Variants in CACNA1B observed in about 807,000 individuals in gnomAD.
The protein encoded by CACNA1B is voltage-dependent N-type calcium channel subunit alpha-1B.
In CACNA1B, 70 loss-of-function variants were observed where a neutral mutation model predicts 247.2. The observed-to-expected ratio is 0.28, with a 90% confidence interval of 0.23 to 0.35. The LOEUF is 0.35. Among genes scored for constraint, CACNA1B ranks in the 10% least tolerant of loss-of-function variants. CACNA1B has a pLI of 1.00. For synonymous variants in CACNA1B, 1,231 were observed against 1,294.4 expected, an observed-to-expected ratio of 0.95 and a Z score of 1.05; for missense variants, 2,367 against 3,197.4, an observed-to-expected ratio of 0.74 and a Z score of 6.26.
chr9:137,997,677 T>G (rs529369131), intron 15 of CACNA1B, among the ~76,000 whole-genome samples: 1 of 152,260 alleles, frequency 6.6e-6, no homozygotes, highest in African/African-American at 2.4e-5. Flanking sequence ...ATATTAAGAT[T>G]TAGAGAAGAA....
Position 138,054,012 on chromosome 9 carries a change from C to G in CACNA1B, c.3968+6C>G, listed in dbSNP as rs774033510. ...GAGCTGGAGAGGGACTGCAGGTAAACTGAGGCAGGGTGCAAGGTGGGACAC... is the reference window on the plus strand; with the variant it reads ...GAGCTGGAGAGGGACTGCAGGTAAAGTGAGGCAGGGTGCAAGGTGGGACAC... On this transcript the variant is annotated splice_donor_region_variant and intron_variant, in intron 26 of 46. Coordinates refer to ENST00000371372, the MANE Select transcript of CACNA1B (RefSeq NM_000718.4). This position sits in a 1 kb window ranked among gnomAD's most constrained non-coding sequence, Gnocchi z 4.6. 1 of 1,613,636 alleles carries G rather than the reference C, an allele frequency of 6.2e-7. No individual in the cohort carries two copies. The highest frequency in any genetic ancestry group is 1.1e-5 in the South Asian group (1 of 91,060).
chr9:138,117,284 T>G (rs1443646523), intron 42 of CACNA1B, among the ~76,000 whole-genome samples: 3 of 41,970 alleles, frequency 7.1e-5, no homozygotes, highest in Admixed American at 2.1e-4. Flanking sequence ...CATTGTGGCT[T>G]GGGGGGGGGG....
chr9:138,068,773 C>T (rs778020443), intron 31 of CACNA1B, among the ~76,000 whole-genome samples: 1 of 152,140 alleles, frequency 6.6e-6, no homozygotes, highest in Non-Finnish European at 1.5e-5. Flanking sequence ...GGGTGCCTGG[C>T]TGACGTCAGA....
At chr9:138,043,602 G>C (rs922546825) in intron 20 of CACNA1B, among the ~76,000 whole-genome samples, 172 bp from the exon 21 acceptor site, 2 of 152,210 alleles carry the variant, frequency 1.3e-5, no homozygotes, top group Non-Finnish European at 2.9e-5. Context: ...GGTCCTGGCT[G>C]TCGTGCGCCA....
intron 12 of CACNA1B, among the ~76,000 whole-genome samples, chr9:137,980,208 G>A (rs1958278059): frequency 6.6e-6 from 1 of 152,196 alleles, no homozygotes; most frequent in African/African-American, 2.4e-5. Flanking sequence ...AGAACTTTAT[G>A]GATATGTTGT....
intron 31 of CACNA1B, among the ~76,000 whole-genome samples, chr9:138,061,822 C>G (rs1959735870): frequency 6.6e-6 from 1 of 152,216 alleles, no homozygotes; most frequent in South Asian, 2.1e-4. Flanking sequence ...GGCTGGTTGA[C>G]AGCCCCAAGG....
At position 138,023,582 on chromosome 9, in the gene CACNA1B, T is replaced by A; in HGVS notation, c.2839T>A (p.Cys947Ser). ...CCGGCACCAGGATCCGAGCAAGGAG[T>A]GCGCCGGCGCCAAGGGCGAGCGGCG... ...AHRHQDPSKECAGAKGERRAR... is the reference protein window; with the variant it reads ...AHRHQDPSKESAGAKGERRAR... Residue 947 changes from cysteine (C) to serine (S), a missense_variant, in exon 19 of 47, where the codon TGC becomes AGC. By Grantham distance (112) the Cys-to-Ser change is moderately radical (BLOSUM62 -1). Transcript: ENST00000371372. The A allele has an allele frequency of 9.3e-7, 1 of 1,075,208 alleles. No individual in the cohort carries two copies. The highest frequency in any genetic ancestry group is 1.1e-6 in the Non-Finnish European group (1 of 886,010). The allele number at this position is 1,075,208 out of a possible 1,614,324, so 66.6% of individuals were successfully genotyped here.
chr9:138,069,830 C>T, intron 32 of CACNA1B, 67 bp downstream of exon 32: 3 of 1,471,936 alleles, frequency 2.0e-6, no homozygotes, highest in East Asian at 2.3e-5. Flanking sequence ...CTCTCCTGCT[C>T]TCTGGTTCCT....
At chr9:138,108,107 G>T (rs1961497977) in intron 39 of CACNA1B, among the ~76,000 whole-genome samples, 1 of 151,538 alleles carries the variant, frequency 6.6e-6, no homozygotes, top group African/African-American at 2.4e-5. Context: ...GAGGTTGAGG[G>T]AGGAGGATCA....
chr9:137,904,848 G>A (rs1439892189), intron 3 of CACNA1B, among the ~76,000 whole-genome samples: 1 of 152,032 alleles, frequency 6.6e-6, no homozygotes, highest in Non-Finnish European at 1.5e-5. Flanking sequence ...GTCCTACTAT[G>A]TTGGTGAGAA....
At chr9:138,108,652 ATTTT>A (rs532418637) in intron 39 of CACNA1B, among the ~76,000 whole-genome samples, 1 of 146,234 alleles carries the variant, frequency 6.8e-6, no homozygotes, top group Non-Finnish European at 1.5e-5. Context: ...AGCAAACTGA[ATTTT>A]TTTTTTTTTT....
chr9:138,005,069 A>G (rs1589062018), intron 15 of CACNA1B, among the ~76,000 whole-genome samples: 1 of 152,240 alleles, frequency 6.6e-6, no homozygotes, highest in East Asian at 1.9e-4. Context: ...GGGAAACAGT[A>G]TGGAGGCTCC....
chr9:137,966,496 G>T (rs1220816362), intron 10 of CACNA1B, among the ~76,000 whole-genome samples: 3 of 151,304 alleles, frequency 2.0e-5, no homozygotes, highest in Non-Finnish European at 4.4e-5. Context: ...GAAAGTGCTG[G>T]GGTTACAGGC....
chr9:137,879,206 A>G (rs1173057094), intron 2 of CACNA1B, 47 bp downstream of exon 2: 1 of 1,228,706 alleles, frequency 8.1e-7, no homozygotes, highest in South Asian at 1.2e-5. Flanking sequence ...GGAGGCCGCG[A>G]CTCCACTTTC....
intron 36 of CACNA1B, among the ~76,000 whole-genome samples, chr9:138,081,486 A>G (rs1004783108): frequency 1.4e-5 from 2 of 144,256 alleles, no homozygotes; most frequent in African/African-American, 5.4e-5. Context: ...AGTGACATGG[A>G]AAAAATGGGA....
At chr9:137,949,128 G>GTGTGGTGTATCTGTGTCTGA (rs1564203226) in intron 6 of CACNA1B, among the ~76,000 whole-genome samples, 43 of 762 alleles carry the variant, frequency 0.056, no homozygotes, top group Admixed American at 0.15. Context: ...TCCAGTGTGT[G>GTGTGGTGTATCTGTGTCTGA]TGTGTGTGGT....
chr9:138,109,936 C>A (rs1961565153), intron 39 of CACNA1B, among the ~76,000 whole-genome samples: 1 of 151,970 alleles, frequency 6.6e-6, no homozygotes, highest in Non-Finnish European at 1.5e-5. Flanking sequence ...TGGTGTGCAC[C>A]TGTAGTCCCT....
At chr9:138,112,288 C>T (rs565901844) in intron 39 of CACNA1B, 110 bp from the exon 40 acceptor site, 45 of 736,802 alleles carry the variant, frequency 6.1e-5, no homozygotes, top group South Asian at 3.1e-4. Context: ...ACCCCATCTC[C>T]GCCTACACCA....
At chr9:138,049,350 GCCCC>G in intron 24 of CACNA1B, 35 bp downstream of exon 24, 1 of 1,333,390 alleles carries the variant, frequency 7.5e-7, no homozygotes, top group Non-Finnish European at 1.1e-6. Context: ...GCTAGGGAGA[GCCCC>G]CAGAATCACG....
Sources: gnomAD v4.1 joint callset for allele counts (sites outside exome capture counted in the v4.1 genomes callset) on GRCh38, gnomAD v4.1.1 for gene constraint, Gnocchi (gnomAD v3.1) non-coding constraint, MANE v1.5 for transcripts, NCBI Gene and HGNC (gene_info 2026-07-23, HGNC 2026-07-21) for gene names.